PTPRG: variants seen among roughly 807,000 people sequenced by gnomAD.
PTPRG encodes receptor-type tyrosine-protein phosphatase gamma.
PTPRG carries 102 observed loss-of-function variants against 165.3 expected under a neutral mutation model. The observed-to-expected ratio is 0.62, with a 90% CI of 0.53 to 0.73. PTPRG has a LOEUF of 0.73. Ranked by LOEUF, PTPRG falls within the 30% of genes least tolerant of loss-of-function variation. PTPRG has a pLI of 0.00. For synonymous variants in PTPRG, 675 were observed against 669.5 expected, an observed-to-expected ratio of 1.01 and a Z score of -0.13; for missense variants, 1,866 against 1,861.4, an observed-to-expected ratio of 1.00 and a Z score of -0.05.
chr3:62,091,527 TA>T (rs1701930217), intron 5 of PTPRG, among the ~76,000 whole-genome samples: 2 of 152,124 alleles, frequency 1.3e-5, no homozygotes. Flanking sequence ...AAGGGCCCTA[TA>T]AGATTTTCCC....
intron 2 of PTPRG, among the ~76,000 whole-genome samples, chr3:61,872,229 C>T (rs1303161534): frequency 6.6e-6 from 1 of 152,126 alleles, no homozygotes; most frequent in Non-Finnish European, 1.5e-5. Context: ...TGATTCTGGC[C>T]AGGTGCAGCG....
chr3:62,013,685 A>G (rs1051222650), intron 4 of PTPRG, among the ~76,000 whole-genome samples: 2 of 152,214 alleles, frequency 1.3e-5, no homozygotes, highest in African/African-American at 4.8e-5. Context: ...TATACCTTAA[A>G]ATAAAATTTG....
intron 1 of PTPRG, among the ~76,000 whole-genome samples, chr3:61,675,374 A>G (rs1446251177): frequency 2.0e-5 from 3 of 152,190 alleles, no homozygotes; most frequent in African/African-American, 7.2e-5. Flanking sequence ...AGGTTGTTTC[A>G]TTTATGATAC....
rs1575800868 is a variant in PTPRG, at chr3:61,935,048, C to T, written c.191-54577C>T. The stretch of plus-strand genomic sequence containing the variant: ...CTCTTCTTTCCATTCCAGGGGTTTA[C>T]AGACATCCTCCTCTCCTTCCCACAC... On this transcript the variant is annotated intron_variant, in intron 2 of 29. Transcript: ENST00000474889. Among the ~76,000 whole-genome samples, 3 of 152,262 alleles carry T rather than the reference C, an allele frequency of 2.0e-5. No homozygotes were observed. In the South Asian group the frequency reaches 6.2e-4, roughly 32 times the overall value.
At chr3:62,274,403 A>C (rs1702167707) in intron 23 of PTPRG, among the ~76,000 whole-genome samples, 2 of 152,156 alleles carry the variant, frequency 1.3e-5, no homozygotes, top group South Asian at 4.1e-4. Context: ...GAAGGTGAAA[A>C]AGAGAGATTA....
intron 2 of PTPRG, among the ~76,000 whole-genome samples, chr3:61,784,319 C>T (rs987090974): frequency 1.3e-5 from 2 of 152,148 alleles, no homozygotes; most frequent in Non-Finnish European, 2.9e-5. Flanking sequence ...CGAGAAGCAG[C>T]CGTCATTTAA....
At chr3:61,829,990 A>G (rs915894387) in intron 2 of PTPRG, among the ~76,000 whole-genome samples, 2 of 152,216 alleles carry the variant, frequency 1.3e-5, no homozygotes, top group African/African-American at 2.4e-5. Flanking sequence ...CACATGGTGG[A>G]TAGCTCACAG....
chr3:62,048,712 TC>T lies in PTPRG; in HGVS notation c.520-29449del, dbSNP rs531637777. ...TTAGCAGACTATTGTCTTCAGAAAA[TC>T]CTAGTGGTCCTTTATTCTCTATCTA... On this transcript the variant is annotated intron_variant, in intron 4 of 29. Coordinates refer to ENST00000474889, the MANE Select transcript of PTPRG (RefSeq NM_002841.4). Among the ~76,000 whole-genome samples, 17 of 152,282 alleles carry T rather than the reference TC, an allele frequency of 1.1e-4. No homozygotes were observed. In the East Asian group the frequency reaches 3.1e-3, roughly 28 times the overall value.
At chr3:61,710,769 T>C (rs1225679531) in intron 1 of PTPRG, among the ~76,000 whole-genome samples, 1 of 152,122 alleles carries the variant, frequency 6.6e-6, no homozygotes. Flanking sequence ...CTCTTTACTT[T>C]CTTTTTATTA....
rs1202283773 is a variant in PTPRG at position 62,296,140 on chromosome 3, CTT to C, written c.*2835_*2836del. The C allele has an allele frequency of 7.2e-5, 11 of 151,924 alleles. No individual in the cohort carries two copies. The highest frequency in any genetic ancestry group is 2.6e-4 in the Admixed American group (4 of 15,232). The allele number at this position is 151,924 out of a possible 1,614,324, so 9.4% of individuals were successfully genotyped here. On this transcript the variant is annotated 3_prime_UTR_variant, in exon 30 of 30. Coordinates refer to ENST00000474889, the MANE Select transcript of PTPRG (RefSeq NM_002841.4). Reference sequence around the variant, plus strand: ...ACATGCTGTTGCCATCAGGAGAACTCTTTCTTATATGCGATAGCCAAGATATC... The same window carrying C: ...ACATGCTGTTGCCATCAGGAGAACTCTCTTATATGCGATAGCCAAGATATC...
At chr3:61,829,087 T>C (rs2036194946) in intron 2 of PTPRG, among the ~76,000 whole-genome samples, 1 of 152,164 alleles carries the variant, frequency 6.6e-6, no homozygotes, top group Non-Finnish European at 1.5e-5. Flanking sequence ...AGTACGTGCC[T>C]ATGAGTGAGA....
At chr3:61,818,879 G>C (rs927249781) in intron 2 of PTPRG, among the ~76,000 whole-genome samples, 2 of 111,248 alleles carry the variant, frequency 1.8e-5, no homozygotes. Flanking sequence ...ATAGTGAATA[G>C]TGAAATAGTG....
chr3:62,000,698 CTTG>C (rs2041153381), intron 3 of PTPRG, among the ~76,000 whole-genome samples: 1 of 152,204 alleles, frequency 6.6e-6, no homozygotes, highest in Admixed American at 6.5e-5. Flanking sequence ...CCTAATGACA[CTTG>C]TTATTGTGTG....
chr3:62,067,871 A>G (rs1229063012), intron 4 of PTPRG, among the ~76,000 whole-genome samples: 1 of 152,182 alleles, frequency 6.6e-6, no homozygotes, highest in Non-Finnish European at 1.5e-5. Flanking sequence ...GTGACAACCA[A>G]AAATGTCTCT....
In PTPRG at chr3:62,296,402, T is replaced by C. The variant is rs1703064313; in HGVS notation, c.*3095T>C. The C allele has an allele frequency of 6.6e-6, 1 of 152,058 alleles. No homozygotes were observed. The highest frequency in any genetic ancestry group is 1.9e-4 in the East Asian group (1 of 5,178). 9.4% of individuals were successfully genotyped at this position (152,058 alleles called of 1,614,324 possible). A position where few individuals can be genotyped will look rare whatever the true frequency, so the allele number is the denominator to read the frequency against. On this transcript the variant is annotated 3_prime_UTR_variant, in exon 30 of 30. Coordinates refer to ENST00000474889, the MANE Select transcript of PTPRG (RefSeq NM_002841.4). ...ATGACACAGCACAACTGCCTTGTTATGAATTTTTCTTAAATGCATATATAC... is the reference window on the plus strand; with the variant it reads ...ATGACACAGCACAACTGCCTTGTTACGAATTTTTCTTAAATGCATATATAC...
At chr3:62,104,025 G>A (rs950968619) in intron 5 of PTPRG, among the ~76,000 whole-genome samples, 3 of 152,194 alleles carry the variant, frequency 2.0e-5, no homozygotes, top group African/African-American at 7.2e-5. Flanking sequence ...AACCAATGTT[G>A]TTAGCTCAGG....
intron 2 of PTPRG, among the ~76,000 whole-genome samples, chr3:61,971,196 C>T (rs1184745426): frequency 1.3e-5 from 2 of 152,126 alleles, no homozygotes; most frequent in African/African-American, 4.8e-5. Context: ...GGATTACAGG[C>T]ATCTGCCAAC....
chr3:61,976,629 A>C (rs1200089508), intron 2 of PTPRG, among the ~76,000 whole-genome samples: 1 of 152,122 alleles, frequency 6.6e-6, no homozygotes, highest in Non-Finnish European at 1.5e-5. Flanking sequence ...TATTTGTTTT[A>C]ATATGGATCT....
chr3:61,568,083 T>C (rs1017354341), intron 1 of PTPRG, among the ~76,000 whole-genome samples: 1 of 152,046 alleles, frequency 6.6e-6, no homozygotes, highest in Non-Finnish European at 1.5e-5. Context: ...AAAAATCAAC[T>C]ATACTTGTGT....
Sources: gnomAD v4.1 joint callset for allele counts (sites outside exome capture counted in the v4.1 genomes callset) on GRCh38, gnomAD v4.1.1 for gene constraint, MANE v1.5 for transcripts, NCBI Gene and HGNC (gene_info 2026-07-23, HGNC 2026-07-21) for gene names.